The following MIA2 variants were observed in gnomAD, a reference collection of about 807,000 sequenced individuals.
MIA2 encodes the protein MIA SH3 domain ER export factor 2.
Under a neutral mutation model 167.8 loss-of-function variants are expected in MIA2, and 127 were observed. The observed-to-expected ratio is 0.76, with a 90% CI of 0.66 to 0.88. The LOEUF is 0.88. Among genes scored for constraint, MIA2 ranks in the 40% least tolerant of loss-of-function variants. MIA2 has a pLI of 0.00. For synonymous variants in MIA2, 552 were observed against 541.9 expected, an observed-to-expected ratio of 1.02 and a Z score of -0.26; for missense variants, 1,690 against 1,624.7, an observed-to-expected ratio of 1.04 and a Z score of -0.69.
chr14:39,380,313 G>A (rs1394237533), intron 23 of MIA2, among the ~76,000 whole-genome samples: 1 of 152,088 alleles, frequency 6.6e-6, no homozygotes, highest in African/African-American at 2.4e-5. Context: ...AAAAAATTTT[G>A]TATATTAAAG....
rs1566747188 is a variant in MIA2, at chr14:39,288,453, A to ATTTTTT, written c.2131-2565_2131-2564insTTTTTT. ...TATACATATATATATATATATATAT[A>ATTTTTT]TATATATATATATATATATATATTT... On this transcript the variant is annotated intron_variant, in intron 9 of 28. Coordinates refer to ENST00000640607, the MANE Select transcript of MIA2 (RefSeq NM_001329214.4). 8.0e-4 allele frequency among the ~76,000 whole-genome samples: 11 copies of ATTTTTT among 13,802 alleles called. 2 individuals carry two copies. The highest frequency in any genetic ancestry group is 9.9e-4 in the African/African-American group (5 of 5,072). 9.1% of individuals were successfully genotyped at this position (13,802 alleles called of 152,430 possible).
intron 6 of MIA2, among the ~76,000 whole-genome samples, chr14:39,256,598 CAAAG>C (rs2054827339): frequency 6.6e-6 from 1 of 151,084 alleles, no homozygotes. Context: ...AAAAAAATAA[CAAAG>C]AAATTATGAG....
At chr14:39,273,790 T>C (rs1594866492) in intron 6 of MIA2, among the ~76,000 whole-genome samples, 1 of 152,216 alleles carries the variant, frequency 6.6e-6, no homozygotes, top group East Asian at 1.9e-4. Context: ...GTGTGTGATT[T>C]TCTTTTCTTG....
intron 25 of MIA2, among the ~76,000 whole-genome samples, chr14:39,332,008 T>A (rs2069003498): frequency 6.6e-6 from 1 of 152,206 alleles, no homozygotes; most frequent in Non-Finnish European, 1.5e-5. Context: ...TTGGGGAAGT[T>A]CTCCTGGCTA....
chr14:39,281,950 T>C (rs962389259), intron 9 of MIA2, among the ~76,000 whole-genome samples: 4 of 152,310 alleles, frequency 2.6e-5, no homozygotes, highest in African/African-American at 9.6e-5. Context: ...TATTTATGTG[T>C]TATTTTTATT....
chr14:39,352,746 GTTAT>G (rs2139233512), downstream of MIA2, among the ~76,000 whole-genome samples: 1 of 152,164 alleles, frequency 6.6e-6, no homozygotes, highest in African/African-American at 2.4e-5. Flanking sequence ...CATTTTTAAG[GTTAT>G]TTAAATAGAC....
intron 6 of MIA2, chr14:39,265,515 A>G: frequency 1.1e-6 from 1 of 927,546 alleles, no homozygotes; most frequent in Non-Finnish European, 1.7e-6. Flanking sequence ...CTATGGGGGG[A>G]ACTTGGATTT....
chr14:39,288,468 T>TTTTTTTG (rs1566748459), intron 9 of MIA2, among the ~76,000 whole-genome samples: 5 of 44,172 alleles, frequency 1.1e-4, no homozygotes, highest in Admixed American at 2.6e-4. Flanking sequence ...TATATATATA[T>TTTTTTTG]ATATATATTT....
chr14:39,338,474 A>G (rs2070993316), intron 25 of MIA2, among the ~76,000 whole-genome samples: 1 of 152,226 alleles, frequency 6.6e-6, no homozygotes, highest in South Asian at 2.1e-4. Context: ...TAACACTCAG[A>G]TAAAGGGATA....
At chr14:39,321,388 A>G (rs532677921) in intron 24 of MIA2, among the ~76,000 whole-genome samples, 23 of 152,166 alleles carry the variant, frequency 1.5e-4, no homozygotes, top group African/African-American at 5.3e-4. Context: ...ATCTTGGCTC[A>G]TTGCAGGCTC....
intron 25 of MIA2, among the ~76,000 whole-genome samples, chr14:39,342,888 A>G (rs996928329): frequency 1.3e-5 from 2 of 152,152 alleles, no homozygotes; most frequent in Non-Finnish European, 2.9e-5. Flanking sequence ...AGCTTTCCTT[A>G]TCAGCCTTAC....
chr14:39,246,328 C>T (rs2054308476), intron 3 of MIA2, among the ~76,000 whole-genome samples: 1 of 151,022 alleles, frequency 6.6e-6, no homozygotes, highest in Admixed American at 6.6e-5. Flanking sequence ...AACTCCTAAG[C>T]TCAGGCAATC....
At chr14:39,299,069 A>T (rs1376748696) in intron 13 of MIA2, among the ~76,000 whole-genome samples, 16 of 3,210 alleles carry the variant, frequency 5.0e-3, no homozygotes, top group African/African-American at 0.012. Context: ...CCCTGCCTCT[A>T]AAAAAAAAAA....
intron 6 of MIA2, among the ~76,000 whole-genome samples, chr14:39,257,093 A>G (rs1350208384): frequency 3.3e-5 from 5 of 152,206 alleles, no homozygotes; most frequent in Non-Finnish European, 5.9e-5. Flanking sequence ...GTAGATGTCT[A>G]TTAGGTCGGC....
intron 23 of MIA2, among the ~76,000 whole-genome samples, chr14:39,368,797 A>C (rs1378685161): frequency 6.7e-6 from 1 of 149,146 alleles, no homozygotes; most frequent in Non-Finnish European, 1.5e-5. Context: ...AATTTTTTTC[A>C]GTAAACGTAC....
chr14:39,269,733 C>T (rs1468913655), intron 6 of MIA2, among the ~76,000 whole-genome samples: 1 of 152,074 alleles, frequency 6.6e-6, no homozygotes, highest in African/African-American at 2.4e-5. Flanking sequence ...GTTACCCAGG[C>T]TGGTCTTGAG....
intron 23 of MIA2, among the ~76,000 whole-genome samples, chr14:39,320,500 C>T (rs2066221577): frequency 6.6e-6 from 1 of 152,108 alleles, no homozygotes; most frequent in African/African-American, 2.4e-5. Flanking sequence ...TGGCCCAATA[C>T]AGCCTATCTG....
chr14:39,335,314 G>C (rs1182255945), intron 25 of MIA2, among the ~76,000 whole-genome samples: 1 of 152,108 alleles, frequency 6.6e-6, no homozygotes, highest in African/African-American at 2.4e-5. Flanking sequence ...TATGGATTCT[G>C]CATTTGAGAT....
At chr14:39,268,971 A>G (rs1485529941) in intron 6 of MIA2, 3 of 978,286 alleles carry the variant, frequency 3.1e-6, no homozygotes, top group Non-Finnish European at 3.6e-6. Context: ...TTTAGTTTTT[A>G]TAGGACTGCC....
Sources: allele counts gnomAD v4.1 joint callset (sites outside exome capture counted in the v4.1 genomes callset), GRCh38; gene constraint gnomAD v4.1.1; transcripts MANE v1.5; gene names NCBI Gene and HGNC (gene_info 2026-07-23, HGNC 2026-07-21).